The following SP140 variants were observed in gnomAD, a reference collection of about 807,000 sequenced individuals.
SP140 encodes the protein nuclear body protein SP140.
In SP140, 81 loss-of-function variants were observed where a neutral mutation model predicts 125.0. The ratio of observed to expected loss-of-function variants is 0.65; its 90% CI spans 0.54 to 0.78. The LOEUF is 0.78. SP140 is among the 30% of genes least tolerant of loss of function. The probability of loss-of-function intolerance (pLI) is 0.00; values close to 1 mark genes in which losing one functional copy is unlikely to be tolerated. For missense variants in SP140, 858 were observed against 1,037.0 expected, an observed-to-expected ratio of 0.83 and a Z score of 2.37; for synonymous variants, 312 against 354.0, an observed-to-expected ratio of 0.88 and a Z score of 1.33.
chr2:230,219,803 T>C, intron 3 of SP140: 2 of 503,958 alleles, frequency 4.0e-6, no homozygotes, highest in Non-Finnish European at 5.1e-6. Context: ...CTGCAGCTGC[T>C]GCCGCGAAGT....
At chr2:230,268,457 G>A (rs549394706) in intron 12 of SP140, among the ~76,000 whole-genome samples, 2 of 151,920 alleles carry the variant, frequency 1.3e-5, no homozygotes, top group African/African-American at 4.8e-5. Context: ...CCCAGGAGGC[G>A]GAGGTTGCAG....
chr2:230,221,225 G>A (rs1480209089), upstream of SP140, among the ~76,000 whole-genome samples: 1 of 150,576 alleles, frequency 6.6e-6, no homozygotes, highest in Non-Finnish European at 1.5e-5. Flanking sequence ...AGGTTGCAGT[G>A]AGCCGAGATC....
Position 230,248,977 on chromosome 2 carries a change from G to T in SP140, c.976+9G>T. 3 of 1,599,820 alleles carry T rather than the reference G, an allele frequency of 1.9e-6. No individual in the cohort carries two copies. Among genetic ancestry groups the T allele is most frequent in the Non-Finnish European group, 2.6e-6 (3 of 1,169,384 alleles). Reference sequence around the variant, plus strand: ...ACCAGGTGAAGGAGAAGGTAATTATGATTTAAGTTTTTAAATATTTGAGTA... The same window carrying T: ...ACCAGGTGAAGGAGAAGGTAATTATTATTTAAGTTTTTAAATATTTGAGTA... On this transcript the variant is annotated intron_variant, in intron 9 of 26. Transcript: ENST00000392045.
At chr2:230,246,963 G>A (rs750827321) in intron 7 of SP140, among the ~76,000 whole-genome samples, 6 of 152,132 alleles carry the variant, frequency 3.9e-5, no homozygotes, top group Non-Finnish European at 8.8e-5. Context: ...ATGGGACATT[G>A]TAGGGATGGA....
intron 18 of SP140, among the ~76,000 whole-genome samples, chr2:230,288,452 A>G (rs2056675126): frequency 7.1e-6 from 1 of 141,678 alleles, no homozygotes; most frequent in Non-Finnish European, 1.6e-5. Flanking sequence ...AATTAGGCCA[A>G]CTATCTTTCT....
Position 230,211,817 on chromosome 2 carries a change from C to T in SP140, c.-322-1837C>T, listed in dbSNP as rs1286860262. ...GGAGTGGATGCAATATTATTTGGAT[C>T]GAAGAGGACCCCTCTTCTCAGTACT... On this transcript the variant is annotated intron_variant, in intron 1 of 4. Transcript: ENST00000456542. The surrounding 1 kb of genome is among the most constrained non-coding windows in gnomAD (Gnocchi z 4.2). Among the ~76,000 whole-genome samples, 1 of 152,026 alleles carries T rather than the reference C, an allele frequency of 6.6e-6. No homozygotes were observed. Among genetic ancestry groups the T allele is most frequent in the Non-Finnish European group, 1.5e-5 (1 of 67,994 alleles).
At chr2:230,270,754 C>G in intron 15 of SP140, 115 bp downstream of exon 15, 2 of 1,023,230 alleles carry the variant, frequency 2.0e-6, no homozygotes, top group Non-Finnish European at 1.5e-6. Flanking sequence ...CTGTGGTAGA[C>G]AGAAGGATGA....
intron 1 of SP140, among the ~76,000 whole-genome samples, chr2:230,233,396 C>CA (rs921133085): frequency 2.1e-4 from 32 of 151,548 alleles, no homozygotes; most frequent in South Asian, 6.2e-4. Flanking sequence ...CAAAACAAAA[C>CA]AAAAAAAACA....
the SP140 span, among the ~76,000 whole-genome samples, chr2:230,191,746 A>C: frequency 6.6e-6 from 1 of 152,196 alleles, no homozygotes; most frequent in Non-Finnish European, 1.5e-5. Flanking sequence ...TATTCCAAAC[A>C]ATTGAAAAGG....
Position 230,237,251 on chromosome 2 carries a change from G to C in SP140, c.228G>C (p.Gln76His). 6.2e-7 allele frequency: 1 copy of C among 1,610,056 alleles called. No homozygotes were observed. Among genetic ancestry groups the C allele is most frequent in the Non-Finnish European group, 8.5e-7 (1 of 1,178,860 alleles). ...GLRDRSFISE[Q>H]MYEHFQEAFR... ...GAGACCGCTCCTTCATCTCCGAGCA[G>C]ATGTATGAAGTAAGTAAGAATTTCC... Residue 76 changes from glutamine (Q) to histidine (H), a missense_variant, in exon 2 of 27, where the codon CAG (glutamine) becomes CAC (histidine). Physicochemically the swap from Gln to His is conservative, Grantham distance 24. Coordinates refer to ENST00000392045, the MANE Select transcript of SP140 (RefSeq NM_007237.5). This position sits in a 1 kb window ranked among gnomAD's most constrained non-coding sequence, Gnocchi z 5.4.
intron 15 of SP140, among the ~76,000 whole-genome samples, chr2:230,271,401 G>A (rs184866095): frequency 1.3e-5 from 2 of 152,312 alleles, no homozygotes; most frequent in Admixed American, 6.5e-5. Flanking sequence ...AGTGAGGACT[G>A]AGAAGGAAGT....
chr2:230,189,094 C>CT, the SP140 span, among the ~76,000 whole-genome samples: 1 of 151,766 alleles, frequency 6.6e-6, no homozygotes, highest in African/African-American at 2.4e-5. Flanking sequence ...AAACTTCTCT[C>CT]TTTTTTTTTG....
At chr2:230,213,123 G>GACAATGAATAGCTCCATGCC in intron 1 of SP140, 1 of 1,205,846 alleles carries the variant, frequency 8.3e-7, no homozygotes, top group Non-Finnish European at 1.2e-6. Context: ...TAGGATGGGG[G>GACAATGAATAGCTCCATGCC]CATGGAGCTA....
At chr2:230,186,574 T>C in the SP140 span, among the ~76,000 whole-genome samples, 1 of 152,230 alleles carries the variant, frequency 6.6e-6, no homozygotes, top group Non-Finnish European at 1.5e-5. Context: ...AATTATATAA[T>C]GGCAAAATCT....
chr2:230,292,520 G>A (rs2057243954), intron 19 of SP140, 126 bp from the exon 20 acceptor site: 1 of 1,281,408 alleles, frequency 7.8e-7, no homozygotes, highest in Admixed American at 1.9e-5. Flanking sequence ...TGAGAGGGAA[G>A]GCCAGACTCT....
At chr2:230,274,883 T>C (rs2054487717) in intron 15 of SP140, among the ~76,000 whole-genome samples, 1 of 152,190 alleles carries the variant, frequency 6.6e-6, no homozygotes, top group South Asian at 2.1e-4. Flanking sequence ...AATGAATACA[T>C]TTAAACTGTT....
At chr2:230,277,646 T>C (rs947702189) in intron 15 of SP140, among the ~76,000 whole-genome samples, 1 of 152,146 alleles carries the variant, frequency 6.6e-6, no homozygotes. Flanking sequence ...TTTGCAAATA[T>C]ATTGTCCACC....
intron 22 of SP140, among the ~76,000 whole-genome samples, chr2:230,304,092 C>T (rs1002427341): frequency 4.1e-4 from 63 of 152,252 alleles, no homozygotes; most frequent in African/African-American, 1.3e-3. Context: ...AAATCAATAG[C>T]ACTGTTATAT....
chr2:230,310,013 T>C lies in SP140; in HGVS notation c.2148T>C (p.Cys716=), dbSNP rs374589842. ...GTTCAAGAGTCTTCCATGAGGACTG[T>C]CACATCCCGCCTGTGGAAGCTGAGA... The part of the protein sequence containing the change: ...DTCSRVFHED[C]HIPPVEAERT... The change falls in exon 23 of 27, where the codon TGT becomes TGC. Residue 716 remains cysteine, a synonymous_variant. Coordinates refer to ENST00000392045, the MANE Select transcript of SP140 (RefSeq NM_007237.5). The C allele has an allele frequency of 6.8e-6, 11 of 1,614,072 alleles. No individual in the cohort carries two copies. Among genetic ancestry groups the C allele is most frequent in the East Asian group, 6.7e-5 (3 of 44,898 alleles).
Sources: gnomAD v4.1 joint callset for allele counts (sites outside exome capture counted in the v4.1 genomes callset) on GRCh38, gnomAD v4.1.1 for gene constraint, Gnocchi (gnomAD v3.1) non-coding constraint, MANE v1.5 for transcripts, NCBI Gene and HGNC (gene_info 2026-07-23, HGNC 2026-07-21) for gene names.